Variants in PTPRN2 observed in about 807,000 individuals in gnomAD.
PTPRN2 encodes receptor-type tyrosine-protein phosphatase N2.
Under a neutral mutation model 118.8 loss-of-function variants are expected in PTPRN2, and 74 were observed. The observed-to-expected ratio is 0.62, with a 90% confidence interval of 0.52 to 0.76. The LOEUF (loss-of-function observed/expected upper bound fraction) is 0.76, where lower values mean the gene tolerates loss of function less well. Ranked by LOEUF, PTPRN2 falls within the 30% of genes least tolerant of loss-of-function variation. The pLI is 0.00. For missense variants in PTPRN2, 1,481 were observed against 1,394.4 expected, an observed-to-expected ratio of 1.06 and a Z score of -0.99; for synonymous variants, 641 against 608.0, an observed-to-expected ratio of 1.05 and a Z score of -0.80.
At chr7:158,463,752 A>G (rs1294227141) in intron 2 of PTPRN2, among the ~76,000 whole-genome samples, 3 of 150,346 alleles carry the variant, frequency 2.0e-5, no homozygotes, top group African/African-American at 4.9e-5. Context: ...CAATCACTTC[A>G]TCATCACCGT....
At chr7:157,933,743 T>G (rs556802756) in intron 11 of PTPRN2, among the ~76,000 whole-genome samples, 11 of 144,168 alleles carry the variant, frequency 7.6e-5, no homozygotes, top group Admixed American at 2.8e-4. Context: ...ATTGACAGTT[T>G]TAGAGGAGGG....
chr7:157,971,611 C>T lies in PTPRN2; in HGVS notation c.1724-72874G>A, dbSNP rs79774788. Reference sequence around the variant, plus strand: ...TTAACTGAAGCATCTTGTAAAACTGCCACCCTGTTTTACGATTAAGTGCAT... The same window carrying T: ...TTAACTGAAGCATCTTGTAAAACTGTCACCCTGTTTTACGATTAAGTGCAT... On this transcript the variant is annotated intron_variant, in intron 11 of 22. Transcript: ENST00000389418. Among the ~76,000 whole-genome samples the T allele has an allele frequency of 9.8e-3, 1,486 of 152,224 alleles. 72 individuals are homozygous for T. In the East Asian group the frequency reaches 0.15, roughly 16 times the overall value.
At chr7:157,693,694 G>T (rs946846357) in intron 12 of PTPRN2, among the ~76,000 whole-genome samples, 5 of 152,128 alleles carry the variant, frequency 3.3e-5, no homozygotes, top group African/African-American at 1.2e-4. Context: ...CGGCCAGGCC[G>T]GCTCCGGGCA....
rs867383323 is a variant in PTPRN2, at chr7:158,171,062, T to C, written c.550-3771A>G. 6.2e-5 allele frequency among the ~76,000 whole-genome samples: 8 copies of C among 129,664 alleles called. 1 individual carries two copies. The East Asian group carries it at 6.7e-4, about 11-fold the overall frequency. The allele number at this position is 129,664 out of a possible 152,430, so 85.1% of individuals were successfully genotyped here. On this transcript the variant is annotated intron_variant, in intron 5 of 22. Coordinates refer to ENST00000389418, the MANE Select transcript of PTPRN2 (RefSeq NM_002847.5). ...ACACATACATATATATACACATATA[T>C]ACACATTATATACACATATATATAC...
chr7:157,934,174 G>A (rs1272079972), intron 11 of PTPRN2, among the ~76,000 whole-genome samples: 2 of 152,172 alleles, frequency 1.3e-5, no homozygotes, highest in Non-Finnish European at 2.9e-5. Flanking sequence ...CTTGTTAAGC[G>A]CTGCCTGCCT....
At chr7:158,071,605 AGGTGCTCG>A in intron 11 of PTPRN2, among the ~76,000 whole-genome samples, 1 of 19,282 alleles carries the variant, frequency 5.2e-5, no homozygotes, top group Non-Finnish European at 1.1e-4. Flanking sequence ...CTCCTGGTGG[AGGTGCTCG>A]TGGTGGAGGT....
intron 2 of PTPRN2, among the ~76,000 whole-genome samples, chr7:158,413,339 A>G (rs1249836707): frequency 6.6e-6 from 1 of 152,278 alleles, no homozygotes; most frequent in African/African-American, 2.4e-5. Flanking sequence ...TTCAATTTTG[A>G]ATGTATGTTT....
At chr7:158,011,513 C>T (rs1025274261) in intron 11 of PTPRN2, among the ~76,000 whole-genome samples, 11 of 152,272 alleles carry the variant, frequency 7.2e-5, no homozygotes, top group South Asian at 2.1e-4. Flanking sequence ...TCGTCACCGA[C>T]GATCACCATA....
intron 12 of PTPRN2, among the ~76,000 whole-genome samples, chr7:157,835,480 C>T (rs972482886): frequency 1.3e-5 from 2 of 152,014 alleles, no homozygotes; most frequent in African/African-American, 4.8e-5. Context: ...GAGCAAAGCA[C>T]AAAAGATGCT....
intron 4 of PTPRN2, among the ~76,000 whole-genome samples, chr7:158,204,766 C>T: frequency 6.6e-6 from 1 of 152,188 alleles, no homozygotes; most frequent in South Asian, 2.1e-4. Context: ...TAATATGGAA[C>T]AATATATTTA....
chr7:158,220,239 C>T (rs1367538351), intron 3 of PTPRN2, among the ~76,000 whole-genome samples: 2 of 152,078 alleles, frequency 1.3e-5, no homozygotes, highest in African/African-American at 4.8e-5. Flanking sequence ...AAGTTGGAAG[C>T]ATTTCCTGTG....
chr7:158,465,310 C>T (rs940095129), intron 2 of PTPRN2, among the ~76,000 whole-genome samples: 1 of 152,208 alleles, frequency 6.6e-6, no homozygotes, highest in Non-Finnish European at 1.5e-5. Context: ...TCTTTCCCAC[C>T]CCGTGACCCC....
At chr7:157,853,449 C>A (rs1294680552) in intron 12 of PTPRN2, among the ~76,000 whole-genome samples, 1 of 152,108 alleles carries the variant, frequency 6.6e-6, no homozygotes, top group Non-Finnish European at 1.5e-5. Flanking sequence ...TGGCCCTCTC[C>A]CCACCCCCCC....
At chr7:158,456,705 G>A (rs1241160223) in intron 2 of PTPRN2, among the ~76,000 whole-genome samples, 1 of 152,262 alleles carries the variant, frequency 6.6e-6, no homozygotes, top group East Asian at 1.9e-4. Flanking sequence ...CCAGGGTTGA[G>A]GGTGGAGTCA....
rs75917335 is a variant in PTPRN2, at chr7:157,807,755, C to G, written c.1788+90918G>C. 9.7e-3 allele frequency among the ~76,000 whole-genome samples: 1,483 copies of G among 152,306 alleles called. 35 individuals carry two copies. Among genetic ancestry groups the G allele is most frequent in the African/African-American group, 0.033 (1,383 of 41,570 alleles). ...CACCGCCCCTGCAAATGCCTGGCCT[C>G]CTGCTGTCCAGCTGCCTTCACTCTG... On this transcript the variant is annotated intron_variant, in intron 12 of 22. Coordinates refer to ENST00000389418, the MANE Select transcript of PTPRN2 (RefSeq NM_002847.5).
At chr7:158,142,882 T>G (rs1229751888) in intron 6 of PTPRN2, among the ~76,000 whole-genome samples, 1 of 152,196 alleles carries the variant, frequency 6.6e-6, no homozygotes, top group Non-Finnish European at 1.5e-5. Flanking sequence ...AGGCTCACGT[T>G]GTTTCACAGA....
chr7:158,129,521 CACAT>C (rs1054921658), intron 9 of PTPRN2, among the ~76,000 whole-genome samples: 14 of 151,426 alleles, frequency 9.2e-5, no homozygotes, highest in African/African-American at 3.4e-4. Context: ...CTACACACCA[CACAT>C]ACAACACACA....
Position 157,676,994 on chromosome 7 carries a change from CT to C in PTPRN2, c.2001+5730del, listed in dbSNP as rs1294717867. On this transcript the variant is annotated intron_variant, in intron 13 of 22. Transcript: ENST00000389418. This position sits in a 1 kb window ranked among gnomAD's most constrained non-coding sequence, Gnocchi z 5.6. ...AGACACCACGCACACCGCCCCTCCC[CT>C]GGTGCTGTGTGAGCACCCATCCTCC... 6.6e-6 allele frequency among the ~76,000 whole-genome samples: 1 copy of C among 152,170 alleles called. No homozygotes were observed. The highest frequency in any genetic ancestry group is 2.4e-5 in the African/African-American group (1 of 41,440).
intron 8 of PTPRN2, among the ~76,000 whole-genome samples, chr7:158,134,803 A>G (rs1043440820): frequency 3.9e-5 from 6 of 152,184 alleles, no homozygotes; most frequent in Non-Finnish European, 8.8e-5. Flanking sequence ...GTGGGTTCTC[A>G]TGTAATTACT....
Sources: gnomAD v4.1 joint callset for allele counts (sites outside exome capture counted in the v4.1 genomes callset) on GRCh38, gnomAD v4.1.1 for gene constraint, Gnocchi (gnomAD v3.1) non-coding constraint, MANE v1.5 for transcripts, NCBI Gene and HGNC (gene_info 2026-07-23, HGNC 2026-07-21) for gene names.